The following OSBP2 variants were observed in gnomAD, a reference collection of about 807,000 sequenced individuals.
OSBP2 encodes the protein oxysterol-binding protein 2.
Under a neutral mutation model 96.0 loss-of-function variants are expected in OSBP2, and 66 were observed. The observed-to-expected ratio is 0.69, with a 90% CI of 0.56 to 0.84. OSBP2 has a LOEUF of 0.84. Among genes scored for constraint, OSBP2 ranks in the 40% least tolerant of loss-of-function variants. The pLI, the probability that OSBP2 is intolerant of heterozygous loss-of-function variation, is 0.00. For synonymous variants in OSBP2, 525 were observed against 520.9 expected (o/e 1.01, Z -0.11); for missense variants, 1,038 against 1,222.7 (o/e 0.85, Z 2.25).
chr22:30,822,509 G>A, intron 2 of OSBP2: 1 of 1,330,474 alleles, frequency 7.5e-7, no homozygotes, highest in South Asian at 1.8e-5. Flanking sequence ...GCGGCGCCGG[G>A]ACCCACGAGT....
chr22:30,827,814 C>T (rs533294028), intron 2 of OSBP2, among the ~76,000 whole-genome samples: 6 of 152,278 alleles, frequency 3.9e-5, no homozygotes, highest in South Asian at 2.1e-4. Context: ...GTGGGAAGCC[C>T]GTGGCCCACG....
At chr22:30,769,686 A>T (rs1252123119) in intron 2 of OSBP2, among the ~76,000 whole-genome samples, 1 of 152,154 alleles carries the variant, frequency 6.6e-6, no homozygotes, top group Non-Finnish European at 1.5e-5. Flanking sequence ...TAAATAATAC[A>T]AAACAGTCTA....
chr22:30,906,434 C>A lies in OSBP2; in HGVS notation c.*95C>A. 1 of 1,361,818 alleles carries A rather than the reference C, an allele frequency of 7.3e-7. No individual in the cohort carries two copies. 84.4% of individuals were successfully genotyped at this position (1,361,818 alleles called of 1,614,324 possible). On this transcript the variant is annotated 3_prime_UTR_variant, in exon 14 of 14. Coordinates refer to ENST00000332585, the MANE Select transcript of OSBP2 (RefSeq NM_030758.4). ...AGTACTGAATGGTCTTTCTCCCAGC[C>A]CATTCCCAGCCCTTCCTATTTCCTT...
intron 4 of OSBP2, 109 bp downstream of exon 4, chr22:30,887,727 G>A (rs2039845408): frequency 4.2e-6 from 4 of 947,966 alleles, no homozygotes; most frequent in Admixed American, 2.5e-5. Flanking sequence ...CCACATGTGG[G>A]CTGGCCTTGG....
At chr22:30,856,373 CTTTTTTTTTTTTTTTTTT>C (rs56875088) in intron 2 of OSBP2, among the ~76,000 whole-genome samples, 1 of 101,430 alleles carries the variant, frequency 9.9e-6, no homozygotes, top group Non-Finnish European at 2.0e-5. Context: ...CAGAGCCCTT[CTTTTTTTTTTTTTTTTTT>C]TTTTTTTTTT....
rs182894294 is a variant in OSBP2 at position 30,772,431 on chromosome 22, C to T, written c.853+31062C>T. On this transcript the variant is annotated intron_variant, in intron 2 of 13. Transcript: ENST00000332585. ...ATCTTTCCTTGTCTCTGTTAAGCAC[C>T]AGAAGCAGGGAAGCCAGGCTGGCCC... Among the ~76,000 whole-genome samples, 30 of 152,308 alleles carry T rather than the reference C, an allele frequency of 2.0e-4. No homozygotes were observed. The East Asian group carries it at 5.4e-3, about 27-fold the overall frequency.
chr22:30,875,157 G>A (rs1321870234), intron 3 of OSBP2, among the ~76,000 whole-genome samples: 2 of 152,182 alleles, frequency 1.3e-5, no homozygotes, highest in Non-Finnish European at 2.9e-5. Flanking sequence ...AACAAGGTCA[G>A]TGAGAAAGTG....
At chr22:30,803,688 G>A (rs2090887372) in intron 2 of OSBP2, among the ~76,000 whole-genome samples, 1 of 152,246 alleles carries the variant, frequency 6.6e-6, no homozygotes, top group Non-Finnish European at 1.5e-5. Flanking sequence ...CACCTGAGCT[G>A]CCATGATCAG....
intron 1 of OSBP2, among the ~76,000 whole-genome samples, chr22:30,732,862 G>T (rs1569101778): frequency 6.6e-6 from 1 of 152,204 alleles, no homozygotes; most frequent in Non-Finnish European, 1.5e-5. Flanking sequence ...CCCTAGTGCA[G>T]CTGGGTTCCT....
chr22:30,765,758 T>C (rs2145780541), intron 2 of OSBP2, among the ~76,000 whole-genome samples: 1 of 152,214 alleles, frequency 6.6e-6, no homozygotes, highest in East Asian at 1.9e-4. Flanking sequence ...GTTCATCAAG[T>C]GCATTGTATC....
At chr22:30,835,820 T>C (rs989542662) in intron 2 of OSBP2, among the ~76,000 whole-genome samples, 7 of 151,666 alleles carry the variant, frequency 4.6e-5, no homozygotes, top group Admixed American at 1.3e-4. Flanking sequence ...CTATCTCAAG[T>C]GATCCTCCCA....
rs1308967536 is a variant in OSBP2, at chr22:30,869,267, C to T, written c.854-1162C>T. Among the ~76,000 whole-genome samples, 4 of 152,308 alleles carry T rather than the reference C, an allele frequency of 2.6e-5. No homozygotes were observed. The South Asian group carries it at 8.3e-4, about 32-fold the overall frequency. The stretch of plus-strand genomic sequence containing the variant: ...CTCTCTCATGGAGGCCTCAGCAGCC[C>T]GGAAGGAAGAGGGTGGCCAGCCAGG... On this transcript the variant is annotated intron_variant, in intron 2 of 13. Transcript: ENST00000332585.
intron 2 of OSBP2, among the ~76,000 whole-genome samples, chr22:30,810,781 G>C (rs548380608): frequency 6.6e-6 from 1 of 152,312 alleles, no homozygotes; most frequent in African/African-American, 2.4e-5. Flanking sequence ...TGCCAGGTTG[G>C]TCTGTGTGCA....
Position 30,893,703 on chromosome 22 carries a change from C to G in OSBP2, c.2160C>G (p.Tyr720Ter), listed in dbSNP as rs1445626901. 1 of 1,614,188 alleles carries G rather than the reference C, an allele frequency of 6.2e-7. No individual in the cohort carries two copies. Among genetic ancestry groups the G allele is most frequent in the Non-Finnish European group, 8.5e-7 (1 of 1,180,014 alleles). ...NDRCQLKFLP[Y>*]SYFSKEAARK... ...GGTGCCAGCTGAAGTTCCTGCCCTA[C>G]AGCTACTTCTCCAAAGAGGCAGCCC... is the stretch of plus-strand genomic sequence containing the variant. The change falls in exon 11 of 14, where the codon TAC becomes TAG. Residue 720 changes from tyrosine (Y) to a stop codon, truncating the protein, a stop_gained. Coordinates refer to ENST00000332585, the MANE Select transcript of OSBP2 (RefSeq NM_030758.4). LOFTEE classifies it high-confidence loss of function.
intron 2 of OSBP2, among the ~76,000 whole-genome samples, chr22:30,761,044 C>A (rs955778143): frequency 6.6e-6 from 1 of 152,172 alleles, no homozygotes; most frequent in Non-Finnish European, 1.5e-5. Flanking sequence ...GCTTTACTTT[C>A]CGCCTAGGAT....
chr22:30,903,469 C>T (rs930517792), intron 12 of OSBP2, among the ~76,000 whole-genome samples: 8 of 152,372 alleles, frequency 5.3e-5, no homozygotes, highest in African/African-American at 1.9e-4. Flanking sequence ...ACACGAGAAA[C>T]AGCGAGAGCT....
At chr22:30,876,453 T>C (rs2039580116) in intron 3 of OSBP2, among the ~76,000 whole-genome samples, 1 of 152,198 alleles carries the variant, frequency 6.6e-6, no homozygotes, top group South Asian at 2.1e-4. Flanking sequence ...GCCGTCCCCC[T>C]CAGGGAACCT....
At chr22:30,763,406 G>A (rs2090230807) in intron 2 of OSBP2, among the ~76,000 whole-genome samples, 6 of 152,200 alleles carry the variant, frequency 3.9e-5, no homozygotes, top group Admixed American at 3.9e-4. Context: ...CAACACTTTG[G>A]GAGGCTGAAG....
At chr22:30,830,397 G>C (rs1417970246) in intron 2 of OSBP2, among the ~76,000 whole-genome samples, 2 of 152,238 alleles carry the variant, frequency 1.3e-5, no homozygotes, top group African/African-American at 2.4e-5. Flanking sequence ...ACAGCGCCCT[G>C]GGGCTGCCTG....
Sources: gnomAD v4.1 joint callset for allele counts (sites outside exome capture counted in the v4.1 genomes callset) on GRCh38, gnomAD v4.1.1 for gene constraint, MANE v1.5 for transcripts, NCBI Gene and HGNC (gene_info 2026-07-23, HGNC 2026-07-21) for gene names.